EHBP1: variants seen among roughly 807,000 people sequenced by gnomAD.
EHBP1 encodes the protein EH domain-binding protein 1.
In EHBP1, 55 loss-of-function variants were observed where a neutral mutation model predicts 144.0. The ratio of observed to expected loss-of-function variants is 0.38; its 90% CI spans 0.31 to 0.48. The LOEUF (loss-of-function observed/expected upper bound fraction) is 0.48, where lower values mean the gene tolerates loss of function less well. Among genes scored for constraint, EHBP1 ranks in the 20% least tolerant of loss-of-function variants. EHBP1 has a pLI of 0.98. For synonymous variants in EHBP1, 469 were observed against 472.7 expected (o/e 0.99, Z 0.10); for missense variants, 1,200 against 1,364.2 (o/e 0.88, Z 1.90).
At chr2:62,716,877 G>C (rs1198952928) in intron 2 of EHBP1, among the ~76,000 whole-genome samples, 2 of 152,178 alleles carry the variant, frequency 1.3e-5, no homozygotes, top group African/African-American at 4.8e-5. Context: ...CTGCTAAAGT[G>C]TCTGCCACCT....
intron 5 of EHBP1, among the ~76,000 whole-genome samples, chr2:62,797,233 G>C (rs766035469): frequency 6.6e-6 from 1 of 152,024 alleles, no homozygotes; most frequent in African/African-American, 2.4e-5. Flanking sequence ...ATTACTTTGC[G>C]TGCAGCAACC....
chr2:62,778,221 G>A (rs1216591824), intron 5 of EHBP1, among the ~76,000 whole-genome samples: 1 of 152,058 alleles, frequency 6.6e-6, no homozygotes, highest in South Asian at 2.1e-4. Flanking sequence ...AGTGAATGGC[G>A]ATGGGCTAAA....
At chr2:62,907,587 G>T (rs372553307) in intron 10 of EHBP1, among the ~76,000 whole-genome samples, 6 of 152,268 alleles carry the variant, frequency 3.9e-5, no homozygotes, top group African/African-American at 1.4e-4. Flanking sequence ...AAGGAAGCCA[G>T]CATTCTCTGG....
At chr2:62,928,622 CAAGA>C (rs1286234388) in intron 10 of EHBP1, among the ~76,000 whole-genome samples, 1 of 151,522 alleles carries the variant, frequency 6.6e-6, no homozygotes, top group Non-Finnish European at 1.5e-5. Flanking sequence ...TAAAAATAAA[CAAGA>C]AAGATCCCAA....
chr2:62,779,037 G>A (rs2042241435), intron 5 of EHBP1, among the ~76,000 whole-genome samples: 1 of 152,142 alleles, frequency 6.6e-6, no homozygotes, highest in Admixed American at 6.6e-5. Context: ...TCTAAAGAGT[G>A]TCTAGTGCAT....
chr2:62,748,453 A>T (rs997569784), intron 3 of EHBP1, among the ~76,000 whole-genome samples: 2 of 152,114 alleles, frequency 1.3e-5, no homozygotes, highest in Non-Finnish European at 2.9e-5. Context: ...TAGGAATTTA[A>T]GACCAGCCTG....
chr2:63,034,177 A>G (rs999131292), intron 19 of EHBP1, among the ~76,000 whole-genome samples: 2 of 152,088 alleles, frequency 1.3e-5, no homozygotes, highest in Non-Finnish European at 2.9e-5. Context: ...CTAGTTAAGT[A>G]GTTTTTATGT....
chr2:62,883,265 C>T (rs781776189), intron 10 of EHBP1, among the ~76,000 whole-genome samples: 18 of 152,072 alleles, frequency 1.2e-4, no homozygotes, highest in Non-Finnish European at 2.1e-4. Flanking sequence ...TTCCATAGAA[C>T]TTATATGGTG....
chr2:62,854,642 T>C (rs1440546144), intron 7 of EHBP1, among the ~76,000 whole-genome samples: 2 of 152,222 alleles, frequency 1.3e-5, no homozygotes, highest in African/African-American at 4.8e-5. Context: ...TTTGCCATCT[T>C]AAATGGGTGT....
chr2:62,839,655 A>G (rs2047623851), intron 7 of EHBP1, among the ~76,000 whole-genome samples: 1 of 141,106 alleles, frequency 7.1e-6, no homozygotes, highest in Non-Finnish European at 1.5e-5. Context: ...CTCAGGATAC[A>G]AAATCAATGT....
intron 10 of EHBP1, among the ~76,000 whole-genome samples, chr2:62,925,720 A>G (rs1164329040): frequency 6.6e-6 from 1 of 152,162 alleles, no homozygotes; most frequent in Non-Finnish European, 1.5e-5. Flanking sequence ...AAGACTCTAC[A>G]TGGAAAACTG....
At position 62,948,558 on chromosome 2, in the gene EHBP1, ACTT is replaced by A; in HGVS notation, c.1716_1718del (p.Phe572del). ...CAACAGCCTATCAGCGGAGCAGTAG[ACTT>A]CTTATCACAGGATGACTCTGTATTT... On this transcript the variant is annotated inframe_deletion, in exon 13 of 23. Transcript: ENST00000431489. The A allele has an allele frequency of 6.2e-7, 1 of 1,614,116 alleles. No homozygotes were observed. Among genetic ancestry groups the A allele is most frequent in the Non-Finnish European group, 8.5e-7 (1 of 1,179,996 alleles).
At chr2:63,004,374 A>G (rs776109478) in intron 19 of EHBP1, among the ~76,000 whole-genome samples, 4 of 152,084 alleles carry the variant, frequency 2.6e-5, no homozygotes. Flanking sequence ...ATGACATGTC[A>G]TATATCATCC....
rs374005925 is a variant in EHBP1, at chr2:62,782,309, C to A, written c.312+10917C>A. ...AAGTACAATAGAGATTAGAGATAGACCAGTTAATATGGACTGAAATTATCA... is the reference window on the plus strand; with the variant it reads ...AAGTACAATAGAGATTAGAGATAGAACAGTTAATATGGACTGAAATTATCA... On this transcript the variant is annotated intron_variant, in intron 5 of 22. Transcript: ENST00000431489. 2.6e-5 allele frequency among the ~76,000 whole-genome samples: 4 copies of A among 152,122 alleles called. No individual in the cohort carries two copies. The South Asian group carries it at 8.3e-4, about 32-fold the overall frequency.
chr2:62,767,443 A>G (rs2041277906), intron 4 of EHBP1, among the ~76,000 whole-genome samples: 1 of 152,080 alleles, frequency 6.6e-6, no homozygotes, highest in African/African-American at 2.4e-5. Context: ...CATGTCTGTA[A>G]TCCCGACACT....
intron 14 of EHBP1, among the ~76,000 whole-genome samples, chr2:62,959,836 C>T (rs2057909644): frequency 6.6e-6 from 1 of 152,144 alleles, no homozygotes; most frequent in African/African-American, 2.4e-5. Context: ...TTCCTCTGTA[C>T]TTTATTTCTG....
intron 14 of EHBP1, among the ~76,000 whole-genome samples, chr2:62,975,329 A>G (rs978243082): frequency 6.6e-6 from 1 of 152,206 alleles, no homozygotes; most frequent in African/African-American, 2.4e-5. Flanking sequence ...TTTCTTACAT[A>G]CAAGTCACTA....
intron 7 of EHBP1, 149 bp from the exon 8 acceptor site, chr2:62,859,020 C>CCA: frequency 7.8e-6 from 5 of 640,338 alleles, no homozygotes; most frequent in Non-Finnish European, 1.2e-5. Flanking sequence ...CTACAAAATA[C>CCA]TTGAATGGCA....
chr2:62,980,041 C>T (rs1185303396), intron 15 of EHBP1, among the ~76,000 whole-genome samples: 3 of 152,104 alleles, frequency 2.0e-5, no homozygotes, highest in Non-Finnish European at 2.9e-5. Context: ...CTAAAACATG[C>T]CAGATACTTG....
Sources: gnomAD v4.1 joint callset for allele counts (sites outside exome capture counted in the v4.1 genomes callset) on GRCh38, gnomAD v4.1.1 for gene constraint, MANE v1.5 for transcripts, NCBI Gene and HGNC (gene_info 2026-07-23, HGNC 2026-07-21) for gene names.